SCP2: variants seen among roughly 807,000 people sequenced by gnomAD.
SCP2 encodes the protein SCP-2/3-oxoacyl-CoA thiolase.
SCP2 carries 48 observed loss-of-function variants against 71.4 expected under a neutral mutation model. The observed-to-expected ratio is 0.67, with a 90% CI of 0.53 to 0.86. SCP2 has a LOEUF of 0.86. SCP2 is among the 40% of genes least tolerant of loss of function. The probability of loss-of-function intolerance (pLI) is 0.00; values close to 1 mark genes in which losing one functional copy is unlikely to be tolerated. For missense variants in SCP2, 560 were observed against 655.6 expected, an observed-to-expected ratio of 0.85 and a Z score of 1.59; for synonymous variants, 220 against 218.1, an observed-to-expected ratio of 1.01 and a Z score of -0.08.
intron 2 of SCP2, among the ~76,000 whole-genome samples, chr1:52,943,113 T>G (rs1290346216): frequency 6.6e-6 from 1 of 152,182 alleles, no homozygotes; most frequent in African/African-American, 2.4e-5. Context: ...TGCAATCATA[T>G]GCTTAGGTGC....
chr1:52,951,151 G>A (rs756711305), intron 4 of SCP2, among the ~76,000 whole-genome samples: 4 of 151,914 alleles, frequency 2.6e-5, no homozygotes, highest in African/African-American at 7.3e-5. Flanking sequence ...GTATGGTGGC[G>A]TGCATCTGTA....
In SCP2 at chr1:52,951,150, C is replaced by T. The variant is rs576743874; in HGVS notation, c.331+264C>T. On this transcript the variant is annotated intron_variant, in intron 4 of 15. Transcript: ENST00000371514. ...TACAAAAATTAGCCGGGTATGGTGG[C>T]GTGCATCTGTAGTCCCAGCTATCTG... 2.6e-4 allele frequency among the ~76,000 whole-genome samples: 40 copies of T among 151,924 alleles called. No individual in the cohort carries two copies. The South Asian group carries it at 7.1e-3, about 27-fold the overall frequency.
At position 52,988,060 on chromosome 1, in the gene SCP2, T is replaced by C. The variant is rs1267337950; in HGVS notation, c.1005T>C (p.Asp335=). 6.2e-7 allele frequency: 1 copy of C among 1,604,374 alleles called. No homozygotes were observed. The highest frequency in any genetic ancestry group is 1.3e-5 in the African/African-American group (1 of 74,508). Residue 335 remains aspartate (D), a synonymous_variant, in exon 11 of 16, where the codon GAT becomes GAC. Transcript: ENST00000371514. ...GQGATLVDRG[D]NTYGGKWVIN... ...GTGCAACGCTGGTTGATAGAGGAGA[T>C]AATACATATGGAGGAAAGTGGGTCA... is the stretch of plus-strand genomic sequence containing the variant.
At chr1:52,996,911 CT>C (rs1479727001) in intron 11 of SCP2, among the ~76,000 whole-genome samples, 1 of 152,198 alleles carries the variant, frequency 6.6e-6, no homozygotes, top group Non-Finnish European at 1.5e-5. Flanking sequence ...TTTGCTGTTG[CT>C]TTTTTCCCAC....
intron 11 of SCP2, among the ~76,000 whole-genome samples, chr1:53,005,894 G>C (rs916646066): frequency 6.6e-6 from 1 of 152,046 alleles, no homozygotes; most frequent in Non-Finnish European, 1.5e-5. Context: ...AAGATTAGAC[G>C]AATGGCTAAT....
chr1:52,957,160 G>A lies in SCP2; in HGVS notation c.396+2356G>A, dbSNP rs558505664. ...TCTGACCTCGTGATCTACCCACCTC[G>A]GCCTCCCAAAGTGCTGGGATTACAG... On this transcript the variant is annotated intron_variant, in intron 5 of 15. Coordinates refer to ENST00000371514, the MANE Select transcript of SCP2 (RefSeq NM_002979.5). 3.9e-5 allele frequency among the ~76,000 whole-genome samples: 6 copies of A among 152,146 alleles called. No individual in the cohort carries two copies. In the East Asian group the frequency reaches 5.8e-4, roughly 15 times the overall value.
At chr1:52,951,843 A>G (rs1371617181) in intron 4 of SCP2, among the ~76,000 whole-genome samples, 1 of 151,962 alleles carries the variant, frequency 6.6e-6, no homozygotes, top group African/African-American at 2.4e-5. Context: ...CAGCCTCCCA[A>G]GTAGCTGGGA....
chr1:52,976,645 A>G (rs770185915), intron 7 of SCP2, 38 bp from the exon 8 acceptor site: 64 of 1,003,044 alleles, frequency 6.4e-5, no homozygotes, highest in East Asian at 2.4e-5. Context: ...TACAGTTGCT[A>G]TCTCACATTC....
intron 11 of SCP2, among the ~76,000 whole-genome samples, chr1:52,998,585 G>T (rs1207249460): frequency 6.6e-6 from 1 of 150,756 alleles, no homozygotes; most frequent in Non-Finnish European, 1.5e-5. Context: ...ACAAAAATTA[G>T]TCAGGCGTGG....
chr1:52,941,595 C>A (rs1422854625), intron 1 of SCP2, among the ~76,000 whole-genome samples: 2 of 151,998 alleles, frequency 1.3e-5, no homozygotes, highest in East Asian at 3.9e-4. Flanking sequence ...ATTAGCTGGG[C>A]ATGGTGGTGT....
chr1:52,946,595 C>T (rs528560108), intron 2 of SCP2, among the ~76,000 whole-genome samples: 1 of 152,164 alleles, frequency 6.6e-6, no homozygotes, highest in Admixed American at 6.5e-5. Flanking sequence ...GTCTCATAAA[C>T]ATTATTATAA....
intron 2 of SCP2, among the ~76,000 whole-genome samples, chr1:52,942,615 A>G (rs184956882): frequency 6.7e-6 from 1 of 148,836 alleles, no homozygotes; most frequent in East Asian, 1.9e-4. Flanking sequence ...TATATAAAGA[A>G]TTTTTTTTTT....
intron 11 of SCP2, among the ~76,000 whole-genome samples, chr1:53,011,876 A>G (rs1661008357): frequency 6.6e-6 from 1 of 152,186 alleles, no homozygotes; most frequent in Non-Finnish European, 1.5e-5. Context: ...ATTTACATCT[A>G]GCTTTTAATT....
chr1:52,985,314 C>T (rs1462841524), intron 10 of SCP2, among the ~76,000 whole-genome samples: 2 of 152,166 alleles, frequency 1.3e-5, no homozygotes, highest in Non-Finnish European at 2.9e-5. Flanking sequence ...CTCCCTCAGT[C>T]TTCCCCATCC....
intron 12 of SCP2, among the ~76,000 whole-genome samples, chr1:53,024,705 G>A (rs1046161004): frequency 2.0e-5 from 3 of 151,542 alleles, no homozygotes; most frequent in African/African-American, 7.3e-5. Flanking sequence ...CCGAGTAGCT[G>A]AGTTTACAGG....
chr1:52,932,487 A>C (rs1046559935), intron 1 of SCP2, among the ~76,000 whole-genome samples: 23 of 152,198 alleles, frequency 1.5e-4, no homozygotes, highest in South Asian at 2.1e-4. Context: ...GAATGTGTCC[A>C]CCAAAATGGC....
chr1:53,026,924 A>G (rs970167923), intron 12 of SCP2, among the ~76,000 whole-genome samples: 1 of 150,946 alleles, frequency 6.6e-6, no homozygotes, highest in Admixed American at 6.6e-5. Flanking sequence ...ACAGATGCTT[A>G]TTGAACAACT....
Position 53,014,977 on chromosome 1 carries a change from A to T in SCP2, c.1169A>T (p.His390Leu). The T allele has an allele frequency of 1.2e-6, 2 of 1,614,170 alleles. No homozygotes were observed. Among genetic ancestry groups the T allele is most frequent in the Non-Finnish European group, 1.7e-6 (2 of 1,180,006 alleles). Residue 390 changes from histidine to leucine, a missense_variant, in exon 12 of 16, where the codon CAT becomes CTT. Physicochemically the swap from His to Leu is moderately conservative, Grantham distance 99. Transcript: ENST00000371514. The stretch of plus-strand genomic sequence containing the variant: ...CCTGGTGCAAAGGTGGCTCTGCAGC[A>T]TAATTTAGGCATTGGAGGAGCTGTG... The part of the protein sequence containing the change: ...QVPGAKVALQ[H>L]NLGIGGAVVV...
intron 8 of SCP2, 75 bp from the exon 9 acceptor site, chr1:52,978,142 T>C (rs1430581941): frequency 6.9e-6 from 10 of 1,443,514 alleles, no homozygotes; most frequent in South Asian, 1.1e-5. Context: ...TCCTTTCACA[T>C]AGAAGTAACT....
Sources: gnomAD v4.1 joint callset for allele counts (sites outside exome capture counted in the v4.1 genomes callset) on GRCh38, gnomAD v4.1.1 for gene constraint, MANE v1.5 for transcripts, NCBI Gene and HGNC (gene_info 2026-07-23, HGNC 2026-07-21) for gene names.